The following SUGCT variants were observed in gnomAD, a reference collection of about 807,000 sequenced individuals.
The protein encoded by SUGCT is succinyl-CoA:glutarate-CoA transferase.
A neutral mutation model predicts 55.0 loss-of-function variants in SUGCT; 41 were observed. The ratio of observed to expected loss-of-function variants is 0.74; its 90% CI spans 0.58 to 0.97. The LOEUF (loss-of-function observed/expected upper bound fraction) is 0.97. Ranked by LOEUF, SUGCT falls within the 50% of genes least tolerant of loss-of-function variation. SUGCT has a pLI of 0.00. For synonymous variants in SUGCT, 187 were observed against 200.4 expected (o/e 0.93, Z 0.56); for missense variants, 568 against 547.8 (o/e 1.04, Z -0.37).
rs59090658 is a variant in SUGCT, at chr7:40,665,432, AAAATAAATAAAT to A, written c.1090-83966_1090-83955del. ...CGACAAAAGTGAAACTCTATCTCAAAAAATAAATAAATAAATAAATAAATAAATAAATAAATA... is the reference window on the plus strand; with the variant it reads ...CGACAAAAGTGAAACTCTATCTCAAAAAATAAATAAATAAATAAATAAATA... On this transcript the variant is annotated intron_variant, in intron 12 of 13. Coordinates refer to ENST00000335693, the MANE Select transcript of SUGCT (RefSeq NM_001193313.2). 5.0e-3 allele frequency among the ~76,000 whole-genome samples: 708 copies of A among 140,470 alleles called. 6 individuals are homozygous for A. Among genetic ancestry groups the A allele is most frequent in the African/African-American group, 0.011 (427 of 37,878 alleles). The allele number at this position is 140,470 out of a possible 152,430, so 92.2% of individuals were successfully genotyped here. A position where few individuals can be genotyped will look rare whatever the true frequency, so the allele number is the denominator to read the frequency against.
chr7:40,842,811 T>C (rs1267003562), intron 13 of SUGCT, among the ~76,000 whole-genome samples: 1 of 152,216 alleles, frequency 6.6e-6, no homozygotes, highest in Non-Finnish European at 1.5e-5. Flanking sequence ...GTGGGTAACA[T>C]ACATGCAAGT....
At chr7:40,403,548 G>A (rs979486902) in intron 9 of SUGCT, among the ~76,000 whole-genome samples, 2 of 152,106 alleles carry the variant, frequency 1.3e-5, no homozygotes, top group Non-Finnish European at 1.5e-5. Flanking sequence ...AGTATGTTGG[G>A]TAAAAAGAGA....
chr7:40,528,464 T>C (rs1173066927), intron 12 of SUGCT, among the ~76,000 whole-genome samples: 1 of 152,214 alleles, frequency 6.6e-6, no homozygotes, highest in East Asian at 1.9e-4. Context: ...TTCTTTATTA[T>C]AGTAATTTCT....
chr7:40,358,465 C>G (rs1583501115), intron 9 of SUGCT, among the ~76,000 whole-genome samples: 1 of 152,150 alleles, frequency 6.6e-6, no homozygotes, highest in Admixed American at 6.5e-5. Flanking sequence ...GTAATGCCAA[C>G]ACTTTGGGAG....
At chr7:40,644,104 T>A (rs1048921820) in intron 12 of SUGCT, among the ~76,000 whole-genome samples, 3 of 152,156 alleles carry the variant, frequency 2.0e-5, no homozygotes, top group African/African-American at 7.2e-5. Flanking sequence ...GATAGATTGA[T>A]CCCTAACTGA....
At chr7:40,813,701 C>T (rs1019135555) in intron 13 of SUGCT, among the ~76,000 whole-genome samples, 5 of 152,110 alleles carry the variant, frequency 3.3e-5, no homozygotes, top group Non-Finnish European at 7.4e-5. Flanking sequence ...TTAAGTGAAG[C>T]ATTTAGACCA....
chr7:40,874,410 T>C, the SUGCT span, among the ~76,000 whole-genome samples: 1 of 152,220 alleles, frequency 6.6e-6, no homozygotes, highest in African/African-American at 2.4e-5. Context: ...TATATCTCTG[T>C]TGTATTAAGT....
At chr7:40,589,409 T>A (rs1362847502) in intron 12 of SUGCT, among the ~76,000 whole-genome samples, 2 of 152,246 alleles carry the variant, frequency 1.3e-5, no homozygotes, top group East Asian at 3.9e-4. Context: ...AGATGCTGCC[T>A]TGATCAGCCT....
At chr7:41,008,552 T>C in the SUGCT span, among the ~76,000 whole-genome samples, 1 of 152,128 alleles carries the variant, frequency 6.6e-6, no homozygotes, top group African/African-American at 2.4e-5. Flanking sequence ...GGGAAATTCC[T>C]AGACTGAAAG....
downstream of SUGCT, among the ~76,000 whole-genome samples, chr7:40,864,959 C>T (rs1563057273): frequency 1.3e-5 from 2 of 152,162 alleles, no homozygotes; most frequent in Non-Finnish European, 2.9e-5. Flanking sequence ...AAGTGCAGGA[C>T]AGGAAACTCT....
intron 1 of SUGCT, among the ~76,000 whole-genome samples, chr7:40,177,227 ACT>A (rs1304574095): frequency 2.6e-5 from 4 of 152,020 alleles, no homozygotes; most frequent in African/African-American, 9.7e-5. Flanking sequence ...ACAGTTGCTG[ACT>A]CTCAGCCAGT....
At chr7:41,016,548 G>A in the SUGCT span, among the ~76,000 whole-genome samples, 2 of 151,998 alleles carry the variant, frequency 1.3e-5, no homozygotes, top group Admixed American at 1.3e-4. Context: ...GAAAATCTAA[G>A]CAACATATAT....
chr7:40,648,883 T>TG (rs1316327586), intron 12 of SUGCT, among the ~76,000 whole-genome samples: 2 of 152,168 alleles, frequency 1.3e-5, no homozygotes, highest in African/African-American at 4.8e-5. Flanking sequence ...TCTAGAACTG[T>TG]GGGAGGATAC....
At chr7:40,495,455 G>A (rs1791920124) in intron 11 of SUGCT, among the ~76,000 whole-genome samples, 1 of 151,886 alleles carries the variant, frequency 6.6e-6, no homozygotes, top group South Asian at 2.1e-4. Flanking sequence ...AATTAAAACA[G>A]GTTTGATATT....
intron 9 of SUGCT, among the ~76,000 whole-genome samples, chr7:40,348,478 A>G (rs1000491824): frequency 2.5e-4 from 38 of 152,144 alleles, no homozygotes; most frequent in African/African-American, 9.2e-4. Context: ...TGGTGTGGGC[A>G]TAGGCATATG....
chr7:40,514,697 C>G (rs769556460), intron 12 of SUGCT, among the ~76,000 whole-genome samples: 1 of 117,988 alleles, frequency 8.5e-6, no homozygotes, highest in South Asian at 2.5e-4. Flanking sequence ...GCAACAAGAG[C>G]GAAACTCCGT....
intron 13 of SUGCT, among the ~76,000 whole-genome samples, chr7:40,786,053 TG>T (rs1182496981): frequency 2.0e-5 from 3 of 152,180 alleles, no homozygotes; most frequent in African/African-American, 7.2e-5. Context: ...GAGCTATGAT[TG>T]CCCTACTGCA....
At chr7:40,640,693 C>A (rs1800231962) in intron 12 of SUGCT, among the ~76,000 whole-genome samples, 1 of 152,194 alleles carries the variant, frequency 6.6e-6, no homozygotes, top group South Asian at 2.1e-4. Context: ...CACACACCCC[C>A]CACAAAATTC....
intron 7 of SUGCT, 33 bp from the exon 8 acceptor site, chr7:40,274,480 A>G (rs1792327906): frequency 1.3e-6 from 2 of 1,593,970 alleles, no homozygotes; most frequent in East Asian, 2.2e-5. Context: ...ATGTTTAATT[A>G]TTTCTTCTTT....
Sources: allele counts gnomAD v4.1 joint callset (sites outside exome capture counted in the v4.1 genomes callset), GRCh38; gene constraint gnomAD v4.1.1; transcripts MANE v1.5; gene names NCBI Gene and HGNC (gene_info 2026-07-23, HGNC 2026-07-21).